KAZN: variants seen among roughly 807,000 people sequenced by gnomAD.
The protein encoded by KAZN is kazrin, periplakin interacting protein.
Under a neutral mutation model 87.4 loss-of-function variants are expected in KAZN, and 40 were observed. The ratio of observed to expected loss-of-function variants is 0.46; its 90% CI spans 0.36 to 0.60. The LOEUF (loss-of-function observed/expected upper bound fraction) is 0.60, where lower values mean the gene tolerates loss of function less well. Ranked by LOEUF, KAZN falls within the 20% of genes least tolerant of loss-of-function variation. KAZN has a pLI of 0.00. For missense variants in KAZN, 898 were observed against 1,073.9 expected, an observed-to-expected ratio of 0.84 and a Z score of 2.29; for synonymous variants, 466 against 458.3, an observed-to-expected ratio of 1.02 and a Z score of -0.22.
chr1:14,777,042 C>T (rs546996791), intron 1 of KAZN, among the ~76,000 whole-genome samples: 2 of 152,104 alleles, frequency 1.3e-5, no homozygotes, highest in Non-Finnish European at 2.9e-5. Flanking sequence ...GCTCTGTCAC[C>T]CAGGCTGGAG....
intron 1 of KAZN, among the ~76,000 whole-genome samples, chr1:14,906,782 A>T (rs1656631233): frequency 6.7e-6 from 1 of 149,658 alleles, no homozygotes; most frequent in Non-Finnish European, 1.5e-5. Flanking sequence ...GGGGGAAAAA[A>T]ACCACCCCCA....
chr1:14,797,325 T>C (rs1034864498), intron 1 of KAZN, among the ~76,000 whole-genome samples: 7 of 152,268 alleles, frequency 4.6e-5, no homozygotes, highest in Non-Finnish European at 8.8e-5. Flanking sequence ...CCTCCCAAAG[T>C]GCTGGGATTA....
chr1:14,338,767 A>G (rs1182724171), intron 2 of KAZN, among the ~76,000 whole-genome samples: 1 of 152,210 alleles, frequency 6.6e-6, no homozygotes, highest in African/African-American at 2.4e-5. Flanking sequence ...AAATTAGCCA[A>G]TCAGGGATTT....
rs972820588 is a variant in KAZN at position 15,077,691 on chromosome 1, G to A, written c.1222+11938G>A. On this transcript the variant is annotated intron_variant, in intron 8 of 14. Coordinates refer to ENST00000376030, the MANE Select transcript of KAZN (RefSeq NM_201628.3). The surrounding 1 kb of genome is among the most constrained non-coding windows in gnomAD (Gnocchi z 4.8). Reference sequence around the variant, plus strand: ...TTCACCTTCAGGTGAAGATGTTGATGGGCCTGACAATAGGGTGACTCCGTA... The same window carrying A: ...TTCACCTTCAGGTGAAGATGTTGATAGGCCTGACAATAGGGTGACTCCGTA... Among the ~76,000 whole-genome samples, 8 of 152,176 alleles carry A rather than the reference G, an allele frequency of 5.3e-5. No individual in the cohort carries two copies. Among genetic ancestry groups the A allele is most frequent in the Admixed American group, 3.9e-4 (6 of 15,284 alleles).
At chr1:14,405,221 C>G (rs1360075009) in intron 2 of KAZN, among the ~76,000 whole-genome samples, 1 of 152,138 alleles carries the variant, frequency 6.6e-6, no homozygotes, top group Admixed American at 6.6e-5. Context: ...CTCTTTTGCT[C>G]TGATGGAAAC....
chr1:14,410,967 C>A (rs1004918111), intron 2 of KAZN, among the ~76,000 whole-genome samples: 2 of 152,144 alleles, frequency 1.3e-5, no homozygotes, highest in Non-Finnish European at 2.9e-5. Flanking sequence ...TTGTTTAAGC[C>A]GCCAAGTTTC....
intron 2 of KAZN, among the ~76,000 whole-genome samples, chr1:14,287,924 CTGTTGAGATAATCA>C (rs144778545): frequency 0.042 from 6,389 of 152,248 alleles, 162 homozygotes; most frequent in Middle Eastern, 0.075. Flanking sequence ...TTTTGTGCAT[CTGTTGAGATAATCA>C]TGTGGTTTTT....
At chr1:14,225,586 A>G (rs1009695085) in intron 2 of KAZN, among the ~76,000 whole-genome samples, 3 of 152,192 alleles carry the variant, frequency 2.0e-5, no homozygotes, top group African/African-American at 7.2e-5. Context: ...AGCCTAAGCA[A>G]AAAGAACAGA....
intron 8 of KAZN, among the ~76,000 whole-genome samples, chr1:15,089,082 C>T (rs1379445499): frequency 3.9e-5 from 6 of 152,040 alleles, no homozygotes; most frequent in African/African-American, 1.2e-4. Context: ...CCTCGACTCC[C>T]TCTCTCCCTC....
At chr1:14,358,016 A>G (rs1020431126) in intron 2 of KAZN, among the ~76,000 whole-genome samples, 5 of 151,942 alleles carry the variant, frequency 3.3e-5, no homozygotes, top group African/African-American at 9.7e-5. Flanking sequence ...TCCTCTTTGT[A>G]CCTCTGGTAG....
intron 1 of KAZN, among the ~76,000 whole-genome samples, chr1:14,760,943 A>T (rs10927535): frequency 0.027 from 4,085 of 152,338 alleles, 197 homozygotes; most frequent in African/African-American, 0.094. Flanking sequence ...AGCCATAGAC[A>T]ATATGAAAAC....
chr1:14,187,971 A>G (rs1037047145), intron 2 of KAZN, among the ~76,000 whole-genome samples: 3 of 151,964 alleles, frequency 2.0e-5, no homozygotes, highest in Non-Finnish European at 4.4e-5. Context: ...CCTATGGGGG[A>G]AACACCGGTG....
intron 1 of KAZN, among the ~76,000 whole-genome samples, chr1:14,134,918 A>G (rs913527346): frequency 6.6e-6 from 1 of 151,344 alleles, no homozygotes; most frequent in African/African-American, 2.4e-5. Context: ...TTTTCCAACA[A>G]ATTGTCCTTG....
chr1:14,783,799 A>C (rs769812287), intron 1 of KAZN, among the ~76,000 whole-genome samples: 7 of 152,170 alleles, frequency 4.6e-5, no homozygotes, highest in Non-Finnish European at 7.3e-5. Context: ...GCATGGGCGC[A>C]CAAGAGACCT....
At chr1:14,502,813 CAAG>C in intron 2 of KAZN, among the ~76,000 whole-genome samples, 1 of 152,150 alleles carries the variant, frequency 6.6e-6, no homozygotes, top group Non-Finnish European at 1.5e-5. Context: ...AGGGCTTTTA[CAAG>C]CATCATCTCA....
At chr1:14,133,810 G>C (rs1464270011) in intron 1 of KAZN, among the ~76,000 whole-genome samples, 1 of 152,186 alleles carries the variant, frequency 6.6e-6, no homozygotes, top group Admixed American at 6.5e-5. Flanking sequence ...TAGGTTTGGG[G>C]ATGCTGGAGG....
intron 1 of KAZN, among the ~76,000 whole-genome samples, chr1:13,993,174 A>T (rs1369440012): frequency 4.6e-5 from 7 of 152,214 alleles, no homozygotes; most frequent in Non-Finnish European, 1.5e-5. Context: ...GCAGGAAATA[A>T]TCCCAGAAAG....
At chr1:14,459,659 T>C (rs908782647) in intron 2 of KAZN, among the ~76,000 whole-genome samples, 8 of 152,058 alleles carry the variant, frequency 5.3e-5, no homozygotes, top group South Asian at 2.1e-4. Flanking sequence ...ACAAGCCAAA[T>C]GTAAGCTGCA....
At chr1:14,429,051 C>T (rs1665899425) in intron 2 of KAZN, among the ~76,000 whole-genome samples, 1 of 151,972 alleles carries the variant, frequency 6.6e-6, no homozygotes, top group South Asian at 2.1e-4. Flanking sequence ...ATATCTAGGT[C>T]CTTATTGATC....
Sources: allele counts gnomAD v4.1 joint callset (sites outside exome capture counted in the v4.1 genomes callset), GRCh38; gene constraint gnomAD v4.1.1; non-coding constraint Gnocchi (gnomAD v3.1); transcripts MANE v1.5; gene names NCBI Gene and HGNC (gene_info 2026-07-23, HGNC 2026-07-21).